The following NF1 variants were observed in gnomAD, a reference collection of about 807,000 sequenced individuals.
NF1 encodes the protein neurofibromin.
Under a neutral mutation model 325.7 loss-of-function variants are expected in NF1, and 122 were observed. That is an observed-to-expected ratio of 0.37 (90% CI 0.32 to 0.44). NF1 has a LOEUF of 0.44. NF1 is among the 20% of genes least tolerant of loss of function. The probability of loss-of-function intolerance (pLI) is 1.00; values close to 1 mark genes in which losing one functional copy is unlikely to be tolerated. For synonymous variants in NF1, 1,091 were observed against 1,186.0 expected, an observed-to-expected ratio of 0.92 and a Z score of 1.65; for missense variants, 2,140 against 3,415.4, an observed-to-expected ratio of 0.63 and a Z score of 9.31.
chr17:31,226,467 G>A lies in NF1; in HGVS notation c.2034G>A (p.Pro678=), dbSNP rs2285892. Residue 678 remains proline, a synonymous_variant, in exon 18 of 58, where the codon CCG becomes CCA. Coordinates refer to ENST00000358273, the MANE Select transcript of NF1 (RefSeq NM_001042492.3). The part of the protein sequence containing the change: ...DSAAGCSGTP[P]ICRQAQTKLE... ...CAGCAGGATGCAGCGGAACCCCCCC[G>A]ATTTGCCGACAAGCCCAGACCAAAC... The A allele has an allele frequency of 0.34, 542,388 of 1,613,246 alleles. 99,275 individuals are homozygous for A. The highest frequency in any genetic ancestry group is 0.68 in the African/African-American group (50,834 of 74,838).
intron 12 of NF1, among the ~76,000 whole-genome samples, chr17:31,209,052 T>C (rs2066675071): frequency 6.6e-6 from 1 of 152,220 alleles, no homozygotes; most frequent in Non-Finnish European, 1.5e-5. Context: ...TATAGGGGGC[T>C]GTACTGCGCA....
chr17:31,256,102 G>T (rs983754418), intron 31 of NF1, among the ~76,000 whole-genome samples: 1 of 151,744 alleles, frequency 6.6e-6, no homozygotes, highest in South Asian at 2.1e-4. Context: ...CTCCTTAAAG[G>T]CTTTAAAATG....
In NF1 at chr17:31,367,535, CA is replaced by C. The variant is rs2070549926; in HGVS notation, c.8378-6475del. 2.0e-5 allele frequency among the ~76,000 whole-genome samples: 3 copies of C among 152,210 alleles called. No individual in the cohort carries two copies. The South Asian group carries it at 6.2e-4, about 32-fold the overall frequency. ...AGATGCAATCCCATACCTGGACTAA[CA>C]AAGGCAGGTTAATAAGAAACTCAAG... On this transcript the variant is annotated intron_variant, in intron 57 of 57. Transcript: ENST00000358273.
At position 31,117,711 on chromosome 17, in the gene NF1, T is replaced by TG. The variant is rs892472776; in HGVS notation, c.60+22343dup. On this transcript the variant is annotated intron_variant, in intron 1 of 57. Coordinates refer to ENST00000358273, the MANE Select transcript of NF1 (RefSeq NM_001042492.3). Reference sequence around the variant, plus strand: ...AAAAAAAAAAAAAAAAAAGGAATAGTGATTTGCACATAGAAGGGACTCAAT... The same window carrying TG: ...AAAAAAAAAAAAAAAAAAGGAATAGTGGATTTGCACATAGAAGGGACTCAAT... Among the ~76,000 whole-genome samples the TG allele has an allele frequency of 5.2e-3, 561 of 107,972 alleles. 1 individual carries two copies. The highest frequency in any genetic ancestry group is 0.022 in the Middle Eastern group (3 of 134). The allele number at this position is 107,972 out of a possible 152,430, so 70.8% of individuals were successfully genotyped here. A position where few individuals can be genotyped will look rare whatever the true frequency, so the allele number is the denominator to read the frequency against.
chr17:31,145,179 G>A (rs569690038), intron 1 of NF1, among the ~76,000 whole-genome samples: 5 of 152,118 alleles, frequency 3.3e-5, no homozygotes, highest in African/African-American at 1.2e-4. Flanking sequence ...TCTTTGCATG[G>A]GTCTTCCCGT....
rs1266211447 is a variant in NF1, at chr17:31,232,695, C to T, written c.3315-5C>T. 1.9e-6 allele frequency: 3 copies of T among 1,613,386 alleles called. No homozygotes were observed. The Admixed American group carries it at 5.0e-5, about 27-fold the overall frequency. On this transcript the variant is annotated splice_polypyrimidine_tract_variant and splice_region_variant and intron_variant, in intron 25 of 57. Transcript: ENST00000358273. ...TATGTAAAGGTCAGTCTTTTTATTT[C>T]TCAGATACTTCACATTATTTATGAA...
Position 31,187,301 on chromosome 17 carries a change from C to T in NF1, c.888+4636C>T, listed in dbSNP as rs139493052. Among the ~76,000 whole-genome samples the T allele has an allele frequency of 9.5e-3, 1,442 of 152,216 alleles. 24 individuals carry two copies. Among genetic ancestry groups the T allele is most frequent in the African/African-American group, 0.033 (1,356 of 41,542 alleles). ...GCAACCTCTGCCTCCCAGGTTCAAG[C>T]GATTCTCCTGCCTCAGCCTTCCGAG... On this transcript the variant is annotated intron_variant, in intron 8 of 57. Transcript: ENST00000358273.
intron 21 of NF1, 173 bp downstream of exon 21, chr17:31,229,638 C>T: frequency 1.0e-6 from 1 of 968,544 alleles, no homozygotes; most frequent in Non-Finnish European, 1.6e-6. Context: ...CTTAGGAACT[C>T]TGGTGTGTAT....
chr17:31,310,747 C>A (rs1219349936), intron 36 of NF1, among the ~76,000 whole-genome samples: 1 of 152,008 alleles, frequency 6.6e-6, no homozygotes, highest in African/African-American at 2.4e-5. Context: ...TAGTCTGCTG[C>A]TCAAGCAAAT....
chr17:31,331,801 T>C (rs900208525), intron 39 of NF1: 9 of 149,628 alleles, frequency 6.0e-5, no homozygotes, highest in East Asian at 2.0e-4. Flanking sequence ...GGCAAGAGGA[T>C]TGTGGCAGGA....
At chr17:31,151,550 AC>A (rs1916944255) in intron 1 of NF1, among the ~76,000 whole-genome samples, 1 of 152,108 alleles carries the variant, frequency 6.6e-6, no homozygotes, top group Non-Finnish European at 1.5e-5. Context: ...GGTTCCAGGA[AC>A]CTCCATGGAC....
intron 1 of NF1, among the ~76,000 whole-genome samples, chr17:31,142,656 A>G (rs1331583261): frequency 2.6e-5 from 4 of 152,300 alleles, no homozygotes; most frequent in African/African-American, 7.2e-5. Flanking sequence ...TCACGAGGTC[A>G]GGAGTTCGAG....
intron 29 of NF1, among the ~76,000 whole-genome samples, chr17:31,241,144 C>T (rs143156068): frequency 1.1e-3 from 167 of 152,298 alleles, no homozygotes; most frequent in African/African-American, 3.8e-3. Flanking sequence ...TCCCAAAGTG[C>T]TGAGATTACA....
chr17:31,223,630 C>G (rs2144018299), intron 16 of NF1, 63 bp downstream of exon 16: 3 of 1,541,888 alleles, frequency 1.9e-6, no homozygotes, highest in African/African-American at 1.4e-5. Context: ...TGAGAGATTA[C>G]TAAAGTGTTT....
In NF1 at chr17:31,182,928, C is replaced by T. The variant is rs17885309; in HGVS notation, c.888+263C>T. 0.097 allele frequency: 57,895 copies of T among 597,386 alleles called. 3,555 individuals carry two copies. The highest frequency in any genetic ancestry group is 0.13 in the Non-Finnish European group (43,417 of 338,060). The allele number at this position is 597,386 out of a possible 1,614,324, so 37.0% of individuals were successfully genotyped here. The stretch of plus-strand genomic sequence containing the variant: ...CATTCTTTTGTCTGAGAAGACTAAA[C>T]GATACCTCTGTTATTATTAAACGTA... On this transcript the variant is annotated intron_variant, in intron 8 of 57. Transcript: ENST00000358273.
At chr17:31,129,486 G>A (rs1466434486) in intron 1 of NF1, among the ~76,000 whole-genome samples, 1 of 143,208 alleles carries the variant, frequency 7.0e-6, no homozygotes, top group Non-Finnish European at 1.5e-5. Context: ...AGACAGAGTA[G>A]TGACACGATC....
intron 1 of NF1, among the ~76,000 whole-genome samples, chr17:31,096,779 A>G (rs934278127): frequency 1.3e-5 from 2 of 152,210 alleles, no homozygotes; most frequent in Non-Finnish European, 2.9e-5. Flanking sequence ...TAGAGTTATG[A>G]AGCTGTCAGA....
At chr17:31,370,534 AC>A (rs1468327327) in intron 57 of NF1, among the ~76,000 whole-genome samples, 2 of 152,180 alleles carry the variant, frequency 1.3e-5, no homozygotes, top group Non-Finnish European at 2.9e-5. Context: ...TTGAGGTTTG[AC>A]GGTTATTTGC....
At chr17:31,280,813 T>G (rs2068104358) in intron 36 of NF1, among the ~76,000 whole-genome samples, 1 of 151,676 alleles carries the variant, frequency 6.6e-6, no homozygotes, top group Non-Finnish European at 1.5e-5. Context: ...TTGCTTAAGG[T>G]ATTCATGTAT....
Sources: allele counts gnomAD v4.1 joint callset (sites outside exome capture counted in the v4.1 genomes callset), GRCh38; gene constraint gnomAD v4.1.1; transcripts MANE v1.5; gene names NCBI Gene and HGNC (gene_info 2026-07-23, HGNC 2026-07-21).